Variants in KCNJ3 observed in about 807,000 individuals in gnomAD.
KCNJ3 encodes the protein potassium inwardly rectifying channel subfamily J member 3, also known as G protein-activated inward rectifier potassium channel 1.
KCNJ3 carries 4 observed loss-of-function variants against 39.2 expected under a neutral mutation model. That is an observed-to-expected ratio of 0.10 (90% confidence interval 0.05 to 0.23). The LOEUF is 0.23. Among genes scored for constraint, KCNJ3 ranks in the 10% least tolerant of loss-of-function variants. KCNJ3 has a pLI of 1.00. For synonymous variants in KCNJ3, 230 were observed against 237.4 expected, an observed-to-expected ratio of 0.97 and a Z score of 0.29; for missense variants, 276 against 634.9, an observed-to-expected ratio of 0.43 and a Z score of 6.08.
intron 2 of KCNJ3, among the ~76,000 whole-genome samples, chr2:154,733,588 A>G (rs1685478877): frequency 6.6e-6 from 1 of 152,198 alleles, no homozygotes; most frequent in Non-Finnish European, 1.5e-5. Context: ...TGTCTATGAA[A>G]AATTCCTTCT....
intron 2 of KCNJ3, among the ~76,000 whole-genome samples, chr2:154,853,685 G>C (rs1687793950): frequency 6.6e-6 from 1 of 152,048 alleles, no homozygotes. Context: ...ACAGAAACTT[G>C]ATATATGGTT....
rs570498539 is a variant in KCNJ3, at chr2:154,730,423, A to G, written c.919+20604A>G. ...ATGTTAATAAAGCCATAAAATGAAAAGGCATTATTTTATATACAATTTCTC... is the reference window on the plus strand; with the variant it reads ...ATGTTAATAAAGCCATAAAATGAAAGGGCATTATTTTATATACAATTTCTC... On this transcript the variant is annotated intron_variant, in intron 2 of 2. Coordinates refer to ENST00000295101, the MANE Select transcript of KCNJ3 (RefSeq NM_002239.4). 2.7e-4 allele frequency among the ~76,000 whole-genome samples: 41 copies of G among 152,282 alleles called. No individual in the cohort carries two copies. The South Asian group carries it at 4.3e-3, about 16-fold the overall frequency.
intron 2 of KCNJ3, among the ~76,000 whole-genome samples, chr2:154,842,859 A>T (rs1210406261): frequency 6.6e-6 from 1 of 152,074 alleles, no homozygotes; most frequent in Non-Finnish European, 1.5e-5. Flanking sequence ...GGGTCTCAAT[A>T]CAGCACACTG....
intron 2 of KCNJ3, among the ~76,000 whole-genome samples, chr2:154,849,961 T>C (rs973275441): frequency 1.4e-5 from 2 of 146,006 alleles, no homozygotes; most frequent in African/African-American, 5.0e-5. Flanking sequence ...CAATAATATA[T>C]ACCCTTTTAA....
chr2:154,790,360 T>C (rs188321448), intron 2 of KCNJ3, among the ~76,000 whole-genome samples: 41 of 152,226 alleles, frequency 2.7e-4, no homozygotes, highest in African/African-American at 9.6e-4. Flanking sequence ...GTACCCTCTC[T>C]GACACTCTGT....
chr2:154,743,203 T>A (rs567095172), intron 2 of KCNJ3, among the ~76,000 whole-genome samples: 1 of 152,020 alleles, frequency 6.6e-6, no homozygotes, highest in South Asian at 2.1e-4. Context: ...TTCTGGGCTC[T>A]TTATTCTATT....
intron 2 of KCNJ3, among the ~76,000 whole-genome samples, chr2:154,841,688 AT>A (rs200828082): frequency 0.2 from 30,480 of 150,050 alleles, 3,329 homozygotes; most frequent in East Asian, 0.4. Context: ...GAATTTATCC[AT>A]TTTTTTTTCT....
chr2:154,789,443 T>G (rs946221775), intron 2 of KCNJ3, among the ~76,000 whole-genome samples: 2 of 152,082 alleles, frequency 1.3e-5, no homozygotes, highest in Non-Finnish European at 2.9e-5. Context: ...ACAGTTACCT[T>G]CTTTAGAAAA....
rs548972958 is a variant in KCNJ3 at position 154,724,257 on chromosome 2, G to A, written c.919+14438G>A. Among the ~76,000 whole-genome samples the A allele has an allele frequency of 2.4e-3, 359 of 152,216 alleles. 2 individuals are homozygous for A. Among genetic ancestry groups the A allele is most frequent in the African/African-American group, 8.2e-3 (339 of 41,546 alleles). On this transcript the variant is annotated intron_variant, in intron 2 of 2. Coordinates refer to ENST00000295101, the MANE Select transcript of KCNJ3 (RefSeq NM_002239.4). ...GAGATTACACAGTGTTGTTGTGGGT[G>A]TGTGTCTGTGTGTGCATCCTGGCTT...
chr2:154,763,889 G>C (rs1176192812), intron 2 of KCNJ3, among the ~76,000 whole-genome samples: 1 of 152,272 alleles, frequency 6.6e-6, no homozygotes, highest in East Asian at 1.9e-4. Flanking sequence ...ATACAAACTA[G>C]GTATTTAACA....
chr2:154,705,090 T>C (rs1684979600), intron 1 of KCNJ3, among the ~76,000 whole-genome samples: 2 of 152,200 alleles, frequency 1.3e-5, no homozygotes, highest in South Asian at 4.1e-4. Context: ...GGTAAATCTA[T>C]AGTGTAGGAC....
intron 2 of KCNJ3, among the ~76,000 whole-genome samples, chr2:154,822,848 A>T (rs1687207919): frequency 6.6e-6 from 1 of 151,984 alleles, no homozygotes; most frequent in South Asian, 2.1e-4. Flanking sequence ...AATTTGTGGT[A>T]CTATAATTCT....
chr2:154,836,478 T>C (rs1008754644), intron 2 of KCNJ3, among the ~76,000 whole-genome samples: 1 of 152,132 alleles, frequency 6.6e-6, no homozygotes, highest in Non-Finnish European at 1.5e-5. Flanking sequence ...TGAGAAGCCA[T>C]GTAGTTTAGG....
At chr2:154,718,406 T>G (rs1455772221) in intron 2 of KCNJ3, among the ~76,000 whole-genome samples, 1 of 152,170 alleles carries the variant, frequency 6.6e-6, no homozygotes, top group Non-Finnish European at 1.5e-5. Context: ...ACTTAAATAT[T>G]GAAGCATGAA....
chr2:154,703,479 ATGTGTGTG>A (rs3138640), intron 1 of KCNJ3, among the ~76,000 whole-genome samples: 1 of 148,178 alleles, frequency 6.7e-6, no homozygotes, highest in South Asian at 2.1e-4. Context: ...CTCCATATAT[ATGTGTGTG>A]TGTGTGTGTG....
At chr2:154,845,940 A>C (rs1687656446) in intron 2 of KCNJ3, among the ~76,000 whole-genome samples, 1 of 151,578 alleles carries the variant, frequency 6.6e-6, no homozygotes, top group African/African-American at 2.4e-5. Context: ...ACTGCCCTCC[A>C]GCCTGGGCGT....
At chr2:154,784,137 T>C (rs1391488030) in intron 2 of KCNJ3, among the ~76,000 whole-genome samples, 1 of 152,210 alleles carries the variant, frequency 6.6e-6, no homozygotes, top group African/African-American at 2.4e-5. Context: ...GTTTTGTGAA[T>C]TGATAATGTT....
chr2:154,703,592 T>TA (rs919795184), intron 1 of KCNJ3, among the ~76,000 whole-genome samples: 2 of 151,892 alleles, frequency 1.3e-5, no homozygotes, highest in African/African-American at 4.8e-5. Flanking sequence ...GCAGATGCAA[T>TA]AAAAAAATGG....
At chr2:154,728,017 A>G (rs894053721) in intron 2 of KCNJ3, among the ~76,000 whole-genome samples, 7 of 151,766 alleles carry the variant, frequency 4.6e-5, no homozygotes, top group South Asian at 2.1e-4. Flanking sequence ...ATGAAGTTCC[A>G]TAATGTGAAA....
Sources: gnomAD v4.1 joint callset for allele counts (sites outside exome capture counted in the v4.1 genomes callset) on GRCh38, gnomAD v4.1.1 for gene constraint, MANE v1.5 for transcripts, NCBI Gene and HGNC (gene_info 2026-07-23, HGNC 2026-07-21) for gene names.